TDRD12: variants seen among roughly 807,000 people sequenced by gnomAD.
TDRD12 encodes the protein putative ATP-dependent RNA helicase TDRD12.
A neutral mutation model predicts 133.5 loss-of-function variants in TDRD12; 158 were observed. That is an observed-to-expected ratio of 1.18 (90% CI 1.04 to 1.35). TDRD12 has a LOEUF of 1.35. Ranked by LOEUF, TDRD12 falls within the 40% of genes most tolerant of loss-of-function variation. The probability of loss-of-function intolerance (pLI) is 0.00; values close to 1 mark genes in which losing one functional copy is unlikely to be tolerated. For missense variants in TDRD12, 1,443 were observed against 1,321.3 expected (o/e 1.09, Z -1.43); for synonymous variants, 460 against 477.9 (o/e 0.96, Z 0.49).
At position 32,775,529 on chromosome 19, in the gene TDRD12, C is replaced by T. The variant is rs1019206671; in HGVS notation, c.1041-1620C>T. On this transcript the variant is annotated intron_variant, in intron 10 of 27. Transcript: ENST00000444215. ...AATTTTTTTGCAGAGATGGAAGTCT[C>T]GCTATGTTGCCCTGGCTGGTCTCCA... is the stretch of plus-strand genomic sequence containing the variant. Among the ~76,000 whole-genome samples, 5 of 152,150 alleles carry T rather than the reference C, an allele frequency of 3.3e-5. No individual in the cohort carries two copies. The East Asian group carries it at 9.6e-4, about 29-fold the overall frequency.
At chr19:32,827,433 G>A (rs1255055172) in exon 10 of TDRD12, 3 of 314,194 alleles carry the variant, frequency 9.5e-6, no homozygotes, top group Non-Finnish European at 1.6e-5. Context: ...AGGCTGGAGT[G>A]CAGTGGCATG....
intron 1 of TDRD12, among the ~76,000 whole-genome samples, chr19:32,725,049 T>A (rs1008616727): frequency 3.9e-5 from 6 of 152,202 alleles, no homozygotes; most frequent in African/African-American, 1.4e-4. Flanking sequence ...CTTTGCCTAC[T>A]TTTTGATGGG....
intron 6 of TDRD12, among the ~76,000 whole-genome samples, chr19:32,755,752 G>T (rs1465368806): frequency 6.6e-6 from 1 of 152,212 alleles, no homozygotes; most frequent in Non-Finnish European, 1.5e-5. Flanking sequence ...TAGTGCTACA[G>T]TGCGTATGTC....
intron 10 of TDRD12, 78 bp downstream of exon 10, chr19:32,773,610 A>G: frequency 7.6e-7 from 1 of 1,324,464 alleles, no homozygotes; most frequent in Non-Finnish European, 1.1e-6. Context: ...AGCTGGGGGG[A>G]TCGCTTAAGC....
At chr19:32,769,501 C>A (rs1970385986) in intron 8 of TDRD12, among the ~76,000 whole-genome samples, 1 of 152,182 alleles carries the variant, frequency 6.6e-6, no homozygotes, top group Non-Finnish European at 1.5e-5. Context: ...TTGCCCATAG[C>A]CTCACCAGCA....
chr19:32,722,836 C>T (rs1275590616), intron 1 of TDRD12, among the ~76,000 whole-genome samples: 1 of 151,798 alleles, frequency 6.6e-6, no homozygotes, highest in African/African-American at 2.4e-5. Flanking sequence ...CGTGCCACCA[C>T]AGCCGGCTAA....
chr19:32,814,166 C>T (rs2145737315), intron 25 of TDRD12, among the ~76,000 whole-genome samples: 1 of 152,306 alleles, frequency 6.6e-6, no homozygotes, highest in East Asian at 1.9e-4. Context: ...ACTGGGGTTC[C>T]TTCTGTGAGC....
exon 26 of TDRD12, chr19:32,815,492 T>C (rs1310322261): frequency 4.6e-6 from 7 of 1,536,484 alleles, no homozygotes; most frequent in Admixed American, 2.0e-5. Flanking sequence ...CTGTCATTGA[T>C]TATAATGTTC....
intron 8 of TDRD12, among the ~76,000 whole-genome samples, chr19:32,758,476 T>G (rs1181706928): frequency 2.6e-5 from 4 of 152,072 alleles, no homozygotes; most frequent in Admixed American, 2.0e-4. Flanking sequence ...CTCAATCCAG[T>G]CTGTGTATTA....
chr19:32,780,306 G>C (rs1469991602), intron 11 of TDRD12, among the ~76,000 whole-genome samples: 1 of 151,898 alleles, frequency 6.6e-6, no homozygotes, highest in East Asian at 1.9e-4. Context: ...GGCTGGTCTC[G>C]AACTCCTGAC....
In TDRD12 at chr19:32,742,844, C is replaced by A. The variant is rs1969474401; in HGVS notation, c.384C>A (p.Tyr128Ter). The A allele has an allele frequency of 2.6e-6, 4 of 1,551,856 alleles. No individual in the cohort carries two copies. Among genetic ancestry groups the A allele is most frequent in the Non-Finnish European group, 3.5e-6 (4 of 1,147,028 alleles). Residue 128 changes from tyrosine (Y) to a stop codon, truncating the protein, a stop_gained, in exon 4 of 28, where the codon TAC (tyrosine) becomes TAA (stop). Transcript: ENST00000444215. LOFTEE classifies it high-confidence loss of function. ...ATAGAGCAAAAAAATTCAGCCTGTACTGCACAAAGCCTGTCACATTACACA... is the reference window on the plus strand; with the variant it reads ...ATAGAGCAAAAAAATTCAGCCTGTAATGCACAAAGCCTGTCACATTACACA...
chr19:32,813,670 A>C lies in TDRD12; in HGVS notation c.3049-14A>C. The C allele has an allele frequency of 6.9e-7, 1 of 1,452,430 alleles. No homozygotes were observed. The highest frequency in any genetic ancestry group is 9.3e-7 in the Non-Finnish European group (1 of 1,075,334). 90.0% of individuals were successfully genotyped at this position (1,452,430 alleles called of 1,614,324 possible). On this transcript the variant is annotated splice_polypyrimidine_tract_variant and intron_variant, in intron 24 of 27. Coordinates refer to ENST00000444215, the Ensembl canonical transcript of TDRD12. ...TAAAGCCTCACCTAAAATAATGTTAAGTGCTTTTTTCAGGTTACTAGGTAC... is the reference window on the plus strand; with the variant it reads ...TAAAGCCTCACCTAAAATAATGTTACGTGCTTTTTTCAGGTTACTAGGTAC...
At chr19:32,752,695 C>A (rs1184990763) in intron 6 of TDRD12, among the ~76,000 whole-genome samples, 1 of 151,948 alleles carries the variant, frequency 6.6e-6, no homozygotes. Context: ...TTTCAATGTG[C>A]CCCATCATTA....
chr19:32,822,713 C>T (rs1967443497), downstream of TDRD12, among the ~76,000 whole-genome samples: 1 of 147,192 alleles, frequency 6.8e-6, no homozygotes. Context: ...CGCCACTGCA[C>T]TCCAGCCTGG....
intron 4 of TDRD12, among the ~76,000 whole-genome samples, chr19:32,745,863 A>AGAAG (rs1969595639): frequency 6.8e-6 from 1 of 147,720 alleles, no homozygotes; most frequent in Admixed American, 6.7e-5. Flanking sequence ...TGTGTGTGAG[A>AGAAG]GAGAGAGTCT....
At chr19:32,740,188 A>G (rs1380016568) in intron 3 of TDRD12, among the ~76,000 whole-genome samples, 1 of 117,488 alleles carries the variant, frequency 8.5e-6, no homozygotes, top group Non-Finnish European at 1.7e-5. Context: ...TGCTGTCTGC[A>G]TCTCCTGGGT....
At chr19:32,783,789 T>A (rs1970833815) in intron 11 of TDRD12, among the ~76,000 whole-genome samples, 1 of 152,190 alleles carries the variant, frequency 6.6e-6, no homozygotes, top group Non-Finnish European at 1.5e-5. Flanking sequence ...ATAGGAATGC[T>A]TGTGATTTTT....
intron 5 of TDRD12, 83 bp downstream of exon 5, chr19:32,748,614 G>A: frequency 7.0e-7 from 1 of 1,421,884 alleles, no homozygotes; most frequent in African/African-American, 1.4e-5. Flanking sequence ...GGGGGTTGGA[G>A]ATGCCCCTGT....
chr19:32,811,139 C>A, intron 23 of TDRD12, 71 bp from the exon 24 acceptor site: 1 of 1,199,812 alleles, frequency 8.3e-7, no homozygotes, highest in Non-Finnish European at 1.2e-6. Context: ...TTTTCCATTT[C>A]ATGGTAATTT....
Sources: allele counts gnomAD v4.1 joint callset (sites outside exome capture counted in the v4.1 genomes callset), GRCh38; gene constraint gnomAD v4.1.1; transcripts MANE v1.5; gene names NCBI Gene and HGNC (gene_info 2026-07-23, HGNC 2026-07-21).